Variants in SCAF8 observed in about 807,000 individuals in gnomAD.
SCAF8 encodes SR-related and CTD-associated factor 8.
In SCAF8, 23 loss-of-function variants were observed where a neutral mutation model predicts 140.5. The ratio of observed to expected loss-of-function variants is 0.16; its 90% confidence interval spans 0.12 to 0.23. The LOEUF (loss-of-function observed/expected upper bound fraction) is 0.23, where lower values mean the gene tolerates loss of function less well. Ranked by LOEUF, SCAF8 falls within the 10% of genes least tolerant of loss-of-function variation. The pLI is 1.00. For missense variants in SCAF8, 1,397 were observed against 1,555.7 expected, an observed-to-expected ratio of 0.90 and a Z score of 1.72; for synonymous variants, 575 against 528.9, an observed-to-expected ratio of 1.09 and a Z score of -1.20.
intron 1 of SCAF8, among the ~76,000 whole-genome samples, chr6:154,764,048 G>A (rs1776487684): frequency 1.3e-5 from 2 of 152,206 alleles, no homozygotes; most frequent in South Asian, 4.1e-4. Flanking sequence ...AGCCATCTCA[G>A]TTTAGGTAAA....
At chr6:154,829,635 G>A (rs1188313236) in intron 18 of SCAF8, among the ~76,000 whole-genome samples, 1 of 152,160 alleles carries the variant, frequency 6.6e-6, no homozygotes, top group Non-Finnish European at 1.5e-5. Flanking sequence ...GGCCGGGCAT[G>A]GTGGCTGATG....
Position 154,833,315 on chromosome 6 carries a change from A to G in SCAF8, c.3736A>G (p.Ile1246Val), listed in dbSNP as rs1167333164. 3.1e-6 allele frequency: 5 copies of G among 1,613,946 alleles called. No individual in the cohort carries two copies. In the South Asian group the frequency reaches 3.3e-5, roughly 11 times the overall value. Residue 1246 changes from isoleucine to valine, a missense_variant, in exon 20 of 20, where the codon ATA (isoleucine) becomes GTA (valine). By Grantham distance (29) the Ile-to-Val change is conservative. Transcript: ENST00000367178. ...LYEKLTSSNE[I>V]NKEKSDTVAD... is the part of the protein sequence containing the mutation. Reference sequence around the variant, plus strand: ...TGAAAAACTGACATCTTCAAATGAAATAAACAAGGAGAAGAGTGACACAGT... The same window carrying G: ...TGAAAAACTGACATCTTCAAATGAAGTAAACAAGGAGAAGAGTGACACAGT...
chr6:154,775,886 G>A (rs1379859632), intron 2 of SCAF8, among the ~76,000 whole-genome samples: 1 of 151,968 alleles, frequency 6.6e-6, no homozygotes, highest in African/African-American at 2.4e-5. Flanking sequence ...TGGTGAGCAG[G>A]ACATATTCTT....
chr6:154,733,947 G>A lies in SCAF8; in HGVS notation c.30+17G>A. ...AATAGCGAGGTTGGTATGGCAGCCG[G>A]GTTCCCCTGCTCCTGCCCGCACCGC... On this transcript the variant is annotated intron_variant, in intron 1 of 19. Transcript: ENST00000367178. 1 of 1,528,884 alleles carries A rather than the reference G, an allele frequency of 6.5e-7. No individual in the cohort carries two copies. The highest frequency in any genetic ancestry group is 8.7e-7 in the Non-Finnish European group (1 of 1,144,538). 94.7% of individuals were successfully genotyped at this position (1,528,884 alleles called of 1,614,324 possible).
intron 9 of SCAF8, among the ~76,000 whole-genome samples, chr6:154,806,026 A>G (rs948092622): frequency 2.0e-5 from 3 of 152,190 alleles, no homozygotes; most frequent in Non-Finnish European, 1.5e-5. Flanking sequence ...ATTTTATCCC[A>G]GAGGAAGTGG....
chr6:154,796,357 C>G (rs1405427863), intron 6 of SCAF8, among the ~76,000 whole-genome samples: 6 of 113,354 alleles, frequency 5.3e-5, no homozygotes, highest in African/African-American at 2.3e-4. Context: ...ATCCTGTTCT[C>G]TCTCTCTCTC....
chr6:154,802,187 T>A, intron 7 of SCAF8, 40 bp downstream of exon 7: 1 of 1,224,388 alleles, frequency 8.2e-7, no homozygotes, highest in Non-Finnish European at 1.1e-6. Flanking sequence ...TATGAATTAT[T>A]AAATATTATA....
Position 154,833,344 on chromosome 6 carries a change from T to A in SCAF8, c.3765T>A (p.Ala1255=). 1 of 1,613,912 alleles carries A rather than the reference T, an allele frequency of 6.2e-7. No individual in the cohort carries two copies. The highest frequency in any genetic ancestry group is 8.5e-7 in the Non-Finnish European group (1 of 1,179,926). Residue 1255 remains alanine, a synonymous_variant, in exon 20 of 20, where the codon GCT becomes GCA. Transcript: ENST00000367178. ...ACAAGGAGAAGAGTGACACAGTTGC[T>A]GATATAGAAAGTGAACCAGTGGTAG... ...EINKEKSDTV[A]DIESEPVVES...
Position 154,733,571 on chromosome 6 carries a change from G to A in SCAF8, c.-330G>A, listed in dbSNP as rs1054020227. The A allele has an allele frequency of 4.9e-5, 63 of 1,281,948 alleles. No individual in the cohort carries two copies. The highest frequency in any genetic ancestry group is 5.8e-5 in the Non-Finnish European group (59 of 1,017,012). 79.4% of individuals were successfully genotyped at this position (1,281,948 alleles called of 1,614,324 possible). The stretch of plus-strand genomic sequence containing the variant: ...AGAGTGTAGGGGAAGGGGCTAGAGG[G>A]AGGGGGACCGAAACGGAGCGGGGCA... On this transcript the variant is annotated 5_prime_UTR_variant, in exon 1 of 20. Coordinates refer to ENST00000367178, the MANE Select transcript of SCAF8 (RefSeq NM_014892.5).
chr6:154,759,338 GT>G (rs1275130171), intron 1 of SCAF8, among the ~76,000 whole-genome samples: 3 of 152,170 alleles, frequency 2.0e-5, no homozygotes, highest in African/African-American at 7.2e-5. Flanking sequence ...ATGCAGATGA[GT>G]TTTTGGTTTT....
intron 6 of SCAF8, among the ~76,000 whole-genome samples, chr6:154,797,379 A>G (rs185013534): frequency 1.3e-5 from 2 of 151,072 alleles, no homozygotes; most frequent in Admixed American, 6.6e-5. Flanking sequence ...ATTCTTTGCA[A>G]GATTAATCTT....
intron 1 of SCAF8, among the ~76,000 whole-genome samples, chr6:154,755,153 G>C (rs955129376): frequency 6.6e-6 from 1 of 151,830 alleles, no homozygotes; most frequent in Non-Finnish European, 1.5e-5. Flanking sequence ...TATCCTCATC[G>C]CTTCTCCTTT....
chr6:154,802,031 C>G lies in SCAF8; in HGVS notation c.667C>G (p.Gln223Glu). ...ACAGAAGCCCCAGCCTTCCATTCTG[C>G]AGGCCCTAGATGCTGGTCTTGTTGT... is the stretch of plus-strand genomic sequence containing the variant. ...QQQKPQPSIL[Q>E]ALDAGLVVQL... The change falls in exon 7 of 20, where the codon CAG (glutamine) becomes GAG (glutamate). Residue 223 changes from glutamine to glutamate, a missense_variant. Physicochemically the swap from Gln to Glu is conservative, Grantham distance 29 (BLOSUM62 2). Coordinates refer to ENST00000367178, the MANE Select transcript of SCAF8 (RefSeq NM_014892.5). 1 of 1,612,080 alleles carries G rather than the reference C, an allele frequency of 6.2e-7. No homozygotes were observed. Among genetic ancestry groups the G allele is most frequent in the Non-Finnish European group, 8.5e-7 (1 of 1,178,836 alleles).
intron 1 of SCAF8, among the ~76,000 whole-genome samples, chr6:154,759,160 G>A (rs934895528): frequency 6.6e-6 from 1 of 152,106 alleles, no homozygotes; most frequent in Non-Finnish European, 1.5e-5. Context: ...GTCTTGAGTT[G>A]GGGATTTTGA....
chr6:154,771,402 A>G (rs1032350587), intron 1 of SCAF8, among the ~76,000 whole-genome samples: 27 of 152,200 alleles, frequency 1.8e-4, no homozygotes, highest in African/African-American at 6.3e-4. Context: ...GGACCTGAAA[A>G]AAGACGACTG....
chr6:154,741,512 T>A (rs1778566992), intron 1 of SCAF8, among the ~76,000 whole-genome samples: 2 of 152,012 alleles, frequency 1.3e-5, no homozygotes, highest in African/African-American at 2.4e-5. Flanking sequence ...GTTCAAGCAA[T>A]TCTCCTGCCT....
At position 154,820,339 on chromosome 6, in the gene SCAF8, A is replaced by G. The variant is rs772376010; in HGVS notation, c.1792+6A>G. 1.3e-6 allele frequency: 2 copies of G among 1,596,964 alleles called. No homozygotes were observed. Among genetic ancestry groups the G allele is most frequent in the East Asian group, 2.2e-5 (1 of 44,684 alleles). Reference sequence around the variant, plus strand: ...TCAGGAGACTGTAAATACTGGTAAGAATTCTAAGGTCTTTTTATTGTTAAA... The same window carrying G: ...TCAGGAGACTGTAAATACTGGTAAGGATTCTAAGGTCTTTTTATTGTTAAA... On this transcript the variant is annotated splice_donor_region_variant and intron_variant, in intron 15 of 19. Coordinates refer to ENST00000367178, the MANE Select transcript of SCAF8 (RefSeq NM_014892.5).
Position 154,832,518 on chromosome 6 carries a change from A to G in SCAF8, c.2939A>G (p.Glu980Gly), listed in dbSNP as rs1328661939. 6.2e-7 allele frequency: 1 copy of G among 1,613,882 alleles called. No individual in the cohort carries two copies. Among genetic ancestry groups the G allele is most frequent in the Non-Finnish European group, 8.5e-7 (1 of 1,179,946 alleles). The change falls in exon 20 of 20, where the codon GAA (glutamate) becomes GGA (glycine). Residue 980 changes from glutamate to glycine, a missense_variant. This residue lies in a region of SCAF8 where 930 missense variants were observed against 874.6 expected (regional missense o/e 1.06). Transcript: ENST00000367178. ...FPPGDIFSQP[E>G]RPFLAPGRQS... ...CCAGGAGATATTTTTAGTCAACCAGAAAGACCTTTTTTAGCTCCTGGAAGA... is the reference window on the plus strand; with the variant it reads ...CCAGGAGATATTTTTAGTCAACCAGGAAGACCTTTTTTAGCTCCTGGAAGA...
At chr6:154,807,903 A>T (rs1333513245) in intron 9 of SCAF8, among the ~76,000 whole-genome samples, 167 bp from the exon 10 acceptor site, 5 of 152,226 alleles carry the variant, frequency 3.3e-5, no homozygotes, top group African/African-American at 1.2e-4. Flanking sequence ...AGTTTATACA[A>T]ATGTTTAATT....
Sources: gnomAD v4.1 joint callset for allele counts (sites outside exome capture counted in the v4.1 genomes callset) on GRCh38, gnomAD v4.1.1 for gene constraint, gnomAD v4.1.1 regional missense constraint, MANE v1.5 for transcripts, NCBI Gene and HGNC (gene_info 2026-07-23, HGNC 2026-07-21) for gene names.